Variants in GNAZ observed in about 807,000 individuals in gnomAD.
The protein encoded by GNAZ is guanine nucleotide-binding protein G(z) subunit alpha.
In GNAZ, 3 loss-of-function variants were observed where a neutral mutation model predicts 25.4. The observed-to-expected ratio is 0.12, with a 90% CI of 0.05 to 0.30. The LOEUF (loss-of-function observed/expected upper bound fraction) is 0.30. Among genes scored for constraint, GNAZ ranks in the 10% least tolerant of loss-of-function variants. GNAZ has a pLI of 1.00. For missense variants in GNAZ, 241 were observed against 501.8 expected (o/e 0.48, Z 4.97); for synonymous variants, 211 against 205.7 (o/e 1.03, Z -0.22).
chr22:23,109,437 T>G (rs2069580004), intron 2 of GNAZ, among the ~76,000 whole-genome samples: 1 of 152,064 alleles, frequency 6.6e-6, no homozygotes, highest in Non-Finnish European at 1.5e-5. Context: ...GAATCTGAAG[T>G]GAGCCTGGGA....
intron 1 of GNAZ, among the ~76,000 whole-genome samples, chr22:23,086,860 C>G (rs1159791527): frequency 6.6e-6 from 1 of 152,218 alleles, no homozygotes; most frequent in African/African-American, 2.4e-5. Context: ...ACACCTGGCT[C>G]CTCAGCAACA....
At chr22:23,100,901 C>T (rs966293762) in intron 2 of GNAZ, among the ~76,000 whole-genome samples, 2 of 152,204 alleles carry the variant, frequency 1.3e-5, no homozygotes, top group Non-Finnish European at 2.9e-5. Flanking sequence ...GTGAACACAG[C>T]GTGTTCCTGC....
chr22:23,079,246 G>A (rs1196894207), intron 1 of GNAZ, among the ~76,000 whole-genome samples: 3 of 152,246 alleles, frequency 2.0e-5, no homozygotes, highest in African/African-American at 7.2e-5. Context: ...GTGCGAATAT[G>A]GGGGTCATTT....
At chr22:23,086,083 C>T (rs1001659804) in intron 1 of GNAZ, among the ~76,000 whole-genome samples, 5 of 152,210 alleles carry the variant, frequency 3.3e-5, no homozygotes, top group South Asian at 2.1e-4. Context: ...CTGTCTACGG[C>T]GGGTGACCCT....
chr22:23,106,777 C>T (rs988976064), intron 2 of GNAZ, among the ~76,000 whole-genome samples: 2 of 152,252 alleles, frequency 1.3e-5, no homozygotes, highest in African/African-American at 4.8e-5. Flanking sequence ...GGGCTCCCCA[C>T]CACACAGATG....
At chr22:23,070,701 G>A (rs1036942612) in intron 1 of GNAZ, 131 bp downstream of exon 1, 1 of 152,158 alleles carries the variant, frequency 6.6e-6, no homozygotes, top group Non-Finnish European at 1.5e-5. Flanking sequence ...CCAGGACGCA[G>A]CGTCAGGGAT....
chr22:23,118,601 C>G (rs1376934025), intron 2 of GNAZ, among the ~76,000 whole-genome samples: 1 of 152,196 alleles, frequency 6.6e-6, no homozygotes, highest in African/African-American at 2.4e-5. Context: ...GGAGTCAGCC[C>G]CTCTTGAGGC....
intron 2 of GNAZ, among the ~76,000 whole-genome samples, chr22:23,113,979 G>T (rs1189188234): frequency 6.6e-6 from 1 of 152,242 alleles, no homozygotes; most frequent in East Asian, 1.9e-4. Context: ...CCCCACCAAG[G>T]TGTCCCCAAG....
At chr22:23,074,260 G>A (rs892230352) in intron 1 of GNAZ, among the ~76,000 whole-genome samples, 1 of 152,174 alleles carries the variant, frequency 6.6e-6, no homozygotes, top group African/African-American at 2.4e-5. Context: ...TAAGGCTGGG[G>A]GCCATGAGGG....
chr22:23,105,585 G>T (rs139018617), intron 2 of GNAZ, among the ~76,000 whole-genome samples: 1 of 152,202 alleles, frequency 6.6e-6, no homozygotes, highest in South Asian at 2.1e-4. Flanking sequence ...CAAGGGTGTC[G>T]GCCTTGGGTT....
At chr22:23,083,503 A>T (rs906667783) in intron 1 of GNAZ, among the ~76,000 whole-genome samples, 1 of 152,122 alleles carries the variant, frequency 6.6e-6, no homozygotes. Context: ...TCCTCCATCT[A>T]TCCATCCATC....
intron 1 of GNAZ, among the ~76,000 whole-genome samples, chr22:23,075,614 G>A (rs1389118355): frequency 6.6e-6 from 1 of 152,188 alleles, no homozygotes; most frequent in African/African-American, 2.4e-5. Flanking sequence ...CCATCAAAAA[G>A]TGCTAAGAAG....
intron 1 of GNAZ, among the ~76,000 whole-genome samples, chr22:23,087,696 A>G (rs2068856499): frequency 6.6e-6 from 1 of 152,224 alleles, no homozygotes; most frequent in South Asian, 2.1e-4. Context: ...CTGATTGGTC[A>G]GAGATGAAAT....
chr22:23,096,298 C>T lies in GNAZ; in HGVS notation c.603C>T (p.Asp201=), dbSNP rs375941406. The T allele has an allele frequency of 2.7e-5, 44 of 1,613,988 alleles. No homozygotes were observed. The highest frequency in any genetic ancestry group is 3.5e-5 in the Non-Finnish European group (41 of 1,180,028). ...AGGAGCTCACCTTCAAGATGGTGGA[C>T]GTGGGGGGGCAGAGGTCAGAGCGCA... ...TFKELTFKMV[D]VGGQRSERKK... Residue 201 remains aspartate, a synonymous_variant, in exon 2 of 3, where the codon GAC becomes GAT. Coordinates refer to ENST00000615612, the MANE Select transcript of GNAZ (RefSeq NM_002073.4).
intron 1 of GNAZ, among the ~76,000 whole-genome samples, chr22:23,075,268 C>T (rs1174088559): frequency 6.6e-6 from 1 of 152,230 alleles, no homozygotes; most frequent in Admixed American, 6.5e-5. Flanking sequence ...GAGTCAGTCA[C>T]ACCCAGCCTG....
rs2070140460 is a variant in GNAZ, at chr22:23,124,916, G to A, written c.*1485G>A. On this transcript the variant is annotated 3_prime_UTR_variant, in exon 3 of 3. Transcript: ENST00000615612. ...TCCGTGCAGTAGCTGTGTGTCCGAG[G>A]TCAGTGTGCGGAATCACAGCCAAGG... 6.6e-6 allele frequency: 1 copy of A among 152,572 alleles called. No homozygotes were observed. Among genetic ancestry groups the A allele is most frequent in the South Asian group, 2.1e-4 (1 of 4,840 alleles). The allele number at this position is 152,572 out of a possible 1,614,324, so 9.5% of individuals were successfully genotyped here. A position where few individuals can be genotyped will look rare whatever the true frequency, so the allele number is the denominator to read the frequency against.
chr22:23,075,842 G>C (rs2068493912), intron 1 of GNAZ, among the ~76,000 whole-genome samples: 1 of 152,166 alleles, frequency 6.6e-6, no homozygotes, highest in Non-Finnish European at 1.5e-5. Context: ...AGGTCCCTTT[G>C]TGAGGTCTGC....
intron 2 of GNAZ, among the ~76,000 whole-genome samples, chr22:23,102,172 G>A (rs554161169): frequency 1.3e-3 from 194 of 152,338 alleles, no homozygotes; most frequent in Middle Eastern, 0.01. Context: ...CTGGGGCTGC[G>A]GCCACCTCAG....
chr22:23,088,182 A>G (rs113470938), intron 1 of GNAZ, among the ~76,000 whole-genome samples: 4 of 152,322 alleles, frequency 2.6e-5, no homozygotes, highest in African/African-American at 9.6e-5. Context: ...GCAGGTTCCC[A>G]TACTCACGCA....
Sources: allele counts gnomAD v4.1 joint callset (sites outside exome capture counted in the v4.1 genomes callset), GRCh38; gene constraint gnomAD v4.1.1; transcripts MANE v1.5; gene names NCBI Gene and HGNC (gene_info 2026-07-23, HGNC 2026-07-21).